Variants in SVBP observed in about 807,000 individuals in gnomAD.
SVBP encodes the protein small vasohibin-binding protein.
A neutral mutation model predicts 9.2 loss-of-function variants in SVBP; 9 were observed. The observed-to-expected ratio is 0.98, with a 90% CI of 0.59 to 1.71. SVBP has a LOEUF of 1.71. SVBP is among the 40% of genes most tolerant of loss of function. SVBP has a pLI of 0.00. For missense variants in SVBP, 63 were observed against 73.2 expected (o/e 0.86, Z 0.51); for synonymous variants, 27 against 23.9 (o/e 1.13, Z -0.37).
rs1391164131 is a variant in SVBP at position 42,817,242 on chromosome 1, G to A, written c.-89C>T. On this transcript the variant is annotated 5_prime_UTR_variant, in exon 1 of 3. Transcript: ENST00000372521. ...GAGCCTCCGCCGAGTCGCAGACAAC[G>A]CCTCCGGGAGGGTAATCCTCGCCTT... is the stretch of plus-strand genomic sequence containing the variant. 3 of 1,253,876 alleles carry A rather than the reference G, an allele frequency of 2.4e-6. No individual in the cohort carries two copies. The highest frequency in any genetic ancestry group is 7.5e-5 in the East Asian group (1 of 13,364). The allele number at this position is 1,253,876 out of a possible 1,614,324, so 77.7% of individuals were successfully genotyped here. A position where few individuals can be genotyped will look rare whatever the true frequency, so the allele number is the denominator to read the frequency against.
At chr1:42,810,434 C>T (rs1654060747) in intron 2 of SVBP, among the ~76,000 whole-genome samples, 1 of 152,174 alleles carries the variant, frequency 6.6e-6, no homozygotes, top group Non-Finnish European at 1.5e-5. Context: ...GTGTGAGCCA[C>T]TGTGCCCGGG....
chr1:42,807,852 T>C (rs1213330144), intron 2 of SVBP, among the ~76,000 whole-genome samples: 1 of 152,112 alleles, frequency 6.6e-6, no homozygotes. Context: ...TCTAGTTCTG[T>C]AAGGCTGCAA....
In SVBP at chr1:42,807,272, T is replaced by C; in HGVS notation, c.*142A>G. The C allele has an allele frequency of 1.9e-6, 1 of 522,434 alleles. No individual in the cohort carries two copies. The highest frequency in any genetic ancestry group is 3.2e-5 in the South Asian group (1 of 30,984). 32.4% of individuals were successfully genotyped at this position (522,434 alleles called of 1,614,324 possible). A position where few individuals can be genotyped will look rare whatever the true frequency, so the allele number is the denominator to read the frequency against. ...TGGGAGGAACCAGTGAAGTTAGAAG[T>C]TACACACAGGAAGTGAGTTCAGATT... On this transcript the variant is annotated 3_prime_UTR_variant, in exon 3 of 3. Transcript: ENST00000372521.
Position 42,807,511 on chromosome 1 carries a change from G to A in SVBP, c.115-11C>T, listed in dbSNP as rs1340577073. The stretch of plus-strand genomic sequence containing the variant: ...GTTGAGGGCATAGATCTGAATGAGA[G>A]AAAGAGATACATCTGTTAGCAATGG... On this transcript the variant is annotated splice_polypyrimidine_tract_variant and intron_variant, in intron 2 of 2. Transcript: ENST00000372521. 6.2e-7 allele frequency: 1 copy of A among 1,602,856 alleles called. No individual in the cohort carries two copies. The highest frequency in any genetic ancestry group is 8.5e-7 in the Non-Finnish European group (1 of 1,169,944).
rs370658595 is a variant in SVBP, at chr1:42,807,153, G to GTGTTTTTTTTTT, written c.*260_*261insAAAAAAAAAACA. 5.6e-6 allele frequency: 1 copy of GTGTTTTTTTTTT among 177,824 alleles called. No homozygotes were observed. 11.0% of individuals were successfully genotyped at this position (177,824 alleles called of 1,614,324 possible). On this transcript the variant is annotated 3_prime_UTR_variant, in exon 3 of 3. Coordinates refer to ENST00000372521, the MANE Select transcript of SVBP (RefSeq NM_199342.4). Reference sequence around the variant, plus strand: ...AATAGAAAAAGTGTTTTTTGTGTGTGTTTTTTTTTTTTTTTTAAAAAAACC... The same window carrying GTGTTTTTTTTTT: ...AATAGAAAAAGTGTTTTTTGTGTGTGTGTTTTTTTTTTTTTTTTTTTTTTTTTTAAAAAAACC...
Position 42,816,583 on chromosome 1 carries a change from G to T in SVBP, c.-36-3C>A. 1 of 1,397,794 alleles carries T rather than the reference G, an allele frequency of 7.2e-7. No individual in the cohort carries two copies. The highest frequency in any genetic ancestry group is 1.0e-6 in the Non-Finnish European group (1 of 985,968). 86.6% of individuals were successfully genotyped at this position (1,397,794 alleles called of 1,614,324 possible). On this transcript the variant is annotated splice_polypyrimidine_tract_variant and splice_region_variant and intron_variant, in intron 1 of 2. Transcript: ENST00000372521. ...GATATTTCTTAGGAGGCTCTGATCT[G>T]GGTGGTACAGAAAGAGGCAGATCTT...
At chr1:42,812,557 C>A (rs1028755994) in intron 2 of SVBP, among the ~76,000 whole-genome samples, 1 of 152,206 alleles carries the variant, frequency 6.6e-6, no homozygotes, top group Non-Finnish European at 1.5e-5. Flanking sequence ...CTTGAATCAT[C>A]AGTAACATCC....
At chr1:42,811,920 G>GT (rs970306846) in intron 2 of SVBP, among the ~76,000 whole-genome samples, 6 of 151,530 alleles carry the variant, frequency 4.0e-5, no homozygotes, top group Non-Finnish European at 5.9e-5. Context: ...TCATAGGGCT[G>GT]TTTTTTTTAA....
rs966043965 is a variant in SVBP, at chr1:42,807,130, T to C, written c.*284A>G. On this transcript the variant is annotated 3_prime_UTR_variant, in exon 3 of 3. Coordinates refer to ENST00000372521, the MANE Select transcript of SVBP (RefSeq NM_199342.4). ...AGAAACACTGATTTTTCTCAAACAATAGAAAAAGTGTTTTTTGTGTGTGTT... is the reference window on the plus strand; with the variant it reads ...AGAAACACTGATTTTTCTCAAACAACAGAAAAAGTGTTTTTTGTGTGTGTT... 14 of 260,344 alleles carry C rather than the reference T, an allele frequency of 5.4e-5. No individual in the cohort carries two copies. In the South Asian group the frequency reaches 1.8e-3, roughly 33 times the overall value. The allele number at this position is 260,344 out of a possible 1,614,324, so 16.1% of individuals were successfully genotyped here.
intron 2 of SVBP, among the ~76,000 whole-genome samples, chr1:42,808,139 GTGTGTGTGTGTATATATA>G (rs1192339331): frequency 2.8e-5 from 1 of 36,200 alleles, no homozygotes; most frequent in African/African-American, 1.4e-4. Flanking sequence ...AATATAGTGT[GTGTGTGTGTGTATATATA>G]TATATATATA....
chr1:42,807,200 T>A lies in SVBP; in HGVS notation c.*214A>T. On this transcript the variant is annotated 3_prime_UTR_variant, in exon 3 of 3. Transcript: ENST00000372521. ...AACCCAAAAAACAAAACCACTGTCT[T>A]AGAAGAAGAAAACAAGTCTCTTCAG... 2.7e-6 allele frequency: 1 copy of A among 375,210 alleles called. No homozygotes were observed. Among genetic ancestry groups the A allele is most frequent in the African/African-American group, 2.1e-5 (1 of 48,088 alleles). 23.2% of individuals were successfully genotyped at this position (375,210 alleles called of 1,614,324 possible).
chr1:42,808,745 G>A (rs1210444082), intron 2 of SVBP, among the ~76,000 whole-genome samples: 1 of 151,744 alleles, frequency 6.6e-6, no homozygotes, highest in Admixed American at 6.6e-5. Flanking sequence ...TGTCCAGGCT[G>A]GATTGCAGTG....
At chr1:42,812,046 A>T (rs190624630) in intron 2 of SVBP, among the ~76,000 whole-genome samples, 2,136 of 141,418 alleles carry the variant, frequency 0.015, 60 homozygotes, top group South Asian at 0.12. Context: ...CCTTGGATTT[A>T]AAAAAAAAAA....
intron 2 of SVBP, among the ~76,000 whole-genome samples, chr1:42,814,626 G>C (rs1355596272): frequency 6.7e-6 from 1 of 149,016 alleles, no homozygotes; most frequent in Non-Finnish European, 1.5e-5. Context: ...AAAAAAAAAA[G>C]AGACTCACCA....
intron 2 of SVBP, 30 bp downstream of exon 2, chr1:42,816,401 A>G: frequency 7.0e-7 from 1 of 1,423,690 alleles, no homozygotes; most frequent in Non-Finnish European, 9.9e-7. Flanking sequence ...AGCAGACTAC[A>G]GGCATACAGA....
rs1653985399 is a variant in SVBP, at chr1:42,807,474, T to C, written c.141A>G (p.Thr47=). The C allele has an allele frequency of 1.2e-6, 2 of 1,613,876 alleles. No individual in the cohort carries two copies. The highest frequency in any genetic ancestry group is 1.7e-6 in the Non-Finnish European group (2 of 1,179,856). The change falls in exon 3 of 3, where the codon ACA becomes ACG. Residue 47 remains threonine, a synonymous_variant. Transcript: ENST00000372521. ...CATCAAACTGCTGCTGCTCCAGTTC[T>C]GTCATGACTCTGTTGAGGGCATAGA... The part of the protein sequence containing the change: ...AEIYALNRVM[T]ELEQQQFDEF...
At chr1:42,813,113 G>T (rs1654114054) in intron 2 of SVBP, among the ~76,000 whole-genome samples, 1 of 152,116 alleles carries the variant, frequency 6.6e-6, no homozygotes, top group Admixed American at 6.5e-5. Context: ...TGCTAAGAAG[G>T]AGCACACTGG....
At chr1:42,808,837 C>T (rs530073981) in intron 2 of SVBP, among the ~76,000 whole-genome samples, 1 of 152,172 alleles carries the variant, frequency 6.6e-6, no homozygotes, top group South Asian at 2.1e-4. Context: ...GCTGAGATTA[C>T]AGGTGCCCGC....
At chr1:42,815,125 A>T (rs1441628291) in intron 2 of SVBP, among the ~76,000 whole-genome samples, 2 of 149,804 alleles carry the variant, frequency 1.3e-5, no homozygotes, top group African/African-American at 4.9e-5. Flanking sequence ...AGAACAAAAA[A>T]CCAAACACCG....
Sources: gnomAD v4.1 joint callset for allele counts (sites outside exome capture counted in the v4.1 genomes callset) on GRCh38, gnomAD v4.1.1 for gene constraint, MANE v1.5 for transcripts, NCBI Gene and HGNC (gene_info 2026-07-23, HGNC 2026-07-21) for gene names.